SEH1L: variants seen among roughly 807,000 people sequenced by gnomAD.
SEH1L encodes the protein nucleoporin SEH1.
A neutral mutation model predicts 49.5 loss-of-function variants in SEH1L; 18 were observed. That is an observed-to-expected ratio of 0.36 (90% confidence interval 0.25 to 0.54). SEH1L has a LOEUF of 0.54. Among genes scored for constraint, SEH1L ranks in the 20% least tolerant of loss-of-function variants. The probability of loss-of-function intolerance (pLI) is 0.87; values close to 1 mark genes in which losing one functional copy is unlikely to be tolerated. For missense variants in SEH1L, 404 were observed against 528.8 expected (o/e 0.76, Z 2.31); for synonymous variants, 169 against 178.1 (o/e 0.95, Z 0.41).
In SEH1L at chr18:12,982,620, A is replaced by G; in HGVS notation, c.864A>G (p.Ile288Met). The G allele has an allele frequency of 6.2e-7, 1 of 1,613,944 alleles. No individual in the cohort carries two copies. The highest frequency in any genetic ancestry group is 8.5e-7 in the Non-Finnish European group (1 of 1,179,866). ...NSQVWRVSWN[I>M]TGTVLASSGD... ...AGGTCTGGCGAGTGAGTTGGAATAT[A>G]ACAGGAACGGTGCTAGCATCTTCAG... The change falls in exon 7 of 9, where the codon ATA (isoleucine) becomes ATG (methionine). Residue 288 changes from isoleucine to methionine, a missense_variant. Coordinates refer to ENST00000399892, the MANE Select transcript of SEH1L (RefSeq NM_001013437.2).
intron 3 of SEH1L, among the ~76,000 whole-genome samples, chr18:12,959,501 C>T (rs1348673923): frequency 6.6e-6 from 1 of 152,150 alleles, no homozygotes; most frequent in African/African-American, 2.4e-5. Context: ...ATTCTAAATC[C>T]AAAAACTTGA....
intron 4 of SEH1L, among the ~76,000 whole-genome samples, chr18:12,969,793 G>A (rs1332504740): frequency 1.3e-5 from 2 of 151,994 alleles, no homozygotes; most frequent in Non-Finnish European, 2.9e-5. Flanking sequence ...TCAGGAGACT[G>A]AGACAGGAGA....
intron 1 of SEH1L, 186 bp downstream of exon 1, chr18:12,948,418 C>G (rs979325869): frequency 2.1e-6 from 1 of 474,508 alleles, no homozygotes; most frequent in South Asian, 3.0e-5. Context: ...ACGGCGGCCT[C>G]GCGGGCCGCC....
rs923611167 is a variant in SEH1L, at chr18:12,948,250, G to A, written c.111+18G>A. The A allele has an allele frequency of 3.1e-6, 5 of 1,593,202 alleles. No individual in the cohort carries two copies. In the Admixed American group the frequency reaches 8.4e-5, roughly 27 times the overall value. On this transcript the variant is annotated intron_variant, in intron 1 of 8. Transcript: ENST00000399892. ...GCGTTAAGGTGCGCGCGGCGCTTGC[G>A]GGCGGGGCCGACCCCGGAAGGAAGG...
intron 6 of SEH1L, among the ~76,000 whole-genome samples, chr18:12,981,299 G>T (rs894120533): frequency 6.6e-6 from 1 of 152,106 alleles, no homozygotes; most frequent in African/African-American, 2.4e-5. Flanking sequence ...TCCCAGACGG[G>T]GTGGCGGCCG....
chr18:12,961,278 A>G (rs2031163676), intron 3 of SEH1L, among the ~76,000 whole-genome samples: 1 of 152,196 alleles, frequency 6.6e-6, no homozygotes. Context: ...CCAGTCATCC[A>G]ACTCCTCAGA....
chr18:12,981,309 G>A (rs1299815016), intron 6 of SEH1L, among the ~76,000 whole-genome samples: 2 of 152,154 alleles, frequency 1.3e-5, no homozygotes, highest in Non-Finnish European at 2.9e-5. Context: ...GGTGGCGGCC[G>A]GGCAGAGGCT....
intron 5 of SEH1L, among the ~76,000 whole-genome samples, chr18:12,974,998 A>T (rs201532642): frequency 2.0e-5 from 3 of 147,040 alleles, no homozygotes; most frequent in Admixed American, 6.8e-5. Context: ...TTTTTATTTT[A>T]TTTTTTTTTT....
At chr18:12,949,599 C>G (rs1197824450) in intron 1 of SEH1L, among the ~76,000 whole-genome samples, 1 of 151,102 alleles carries the variant, frequency 6.6e-6, no homozygotes, top group Non-Finnish European at 1.5e-5. Context: ...ACTACAGGCG[C>G]CCGCCACCAC....
At chr18:12,949,679 T>C (rs1450600074) in intron 1 of SEH1L, among the ~76,000 whole-genome samples, 1 of 151,994 alleles carries the variant, frequency 6.6e-6, no homozygotes. Flanking sequence ...GGTCTCTATC[T>C]CCTGACCTCG....
intron 3 of SEH1L, among the ~76,000 whole-genome samples, chr18:12,962,218 A>G (rs1289220192): frequency 7.7e-6 from 1 of 129,594 alleles, no homozygotes; most frequent in Non-Finnish European, 1.6e-5. Flanking sequence ...CAACATAGTG[A>G]GACCCCCCCA....
At chr18:12,954,119 T>G (rs1482406911) in intron 2 of SEH1L, among the ~76,000 whole-genome samples, 1 of 152,350 alleles carries the variant, frequency 6.6e-6, no homozygotes, top group East Asian at 1.9e-4. Flanking sequence ...GTTGGTGACA[T>G]TGTTACCATG....
chr18:12,968,701 G>A (rs2031558157), intron 4 of SEH1L, among the ~76,000 whole-genome samples: 1 of 152,072 alleles, frequency 6.6e-6, no homozygotes, highest in Admixed American at 6.5e-5. Context: ...AGCCCTGTAC[G>A]ATAATATTCT....
At position 12,967,383 on chromosome 18, in the gene SEH1L, A is replaced by C. The variant is rs558637156; in HGVS notation, c.522-3770A>C. 1.8e-4 allele frequency among the ~76,000 whole-genome samples: 27 copies of C among 152,354 alleles called. No homozygotes were observed. The South Asian group carries it at 5.6e-3, about 32-fold the overall frequency. On this transcript the variant is annotated intron_variant, in intron 4 of 8. Transcript: ENST00000399892. ...CTATTTTCTCCATAAGGCACATCCC[A>C]GCCTTCCTATGTTTAGGAACACCAG...
chr18:12,975,735 A>C (rs2031892232), intron 5 of SEH1L: 3 of 986,960 alleles, frequency 3.0e-6, no homozygotes, highest in Non-Finnish European at 3.6e-6. Flanking sequence ...CCTTTTAGGG[A>C]GATGACTTTG....
chr18:12,984,203 ATGGGAAAAC>A lies in SEH1L; in HGVS notation c.1070+17_1070+25del, dbSNP rs2032380959. ...CTTCTGCTGGCAGGTAGGCTGCTTCATGGGAAAACTGGAAATCATCTTTGTTTTAAATCA... is the reference window on the plus strand; with the variant it reads ...CTTCTGCTGGCAGGTAGGCTGCTTCATGGAAATCATCTTTGTTTTAAATCA... On this transcript the variant is annotated intron_variant, in intron 8 of 8. Coordinates refer to ENST00000399892, the MANE Select transcript of SEH1L (RefSeq NM_001013437.2). 1 of 1,611,948 alleles carries A rather than the reference ATGGGAAAAC, an allele frequency of 6.2e-7. No homozygotes were observed. Among genetic ancestry groups the A allele is most frequent in the African/African-American group, 1.3e-5 (1 of 74,816 alleles).
chr18:12,973,454 C>G (rs62095799), intron 5 of SEH1L: 3 of 152,184 alleles, frequency 2.0e-5, no homozygotes, highest in African/African-American at 7.2e-5. Flanking sequence ...TGCGTGCCAC[C>G]ACGCCTGGCT....
At chr18:12,958,768 G>C (rs1175971513) in intron 3 of SEH1L, among the ~76,000 whole-genome samples, 1 of 152,194 alleles carries the variant, frequency 6.6e-6, no homozygotes, top group Non-Finnish European at 1.5e-5. Flanking sequence ...CCCTTGGGTT[G>C]TTTCTACTTC....
At chr18:12,984,343 G>A in intron 8 of SEH1L, 153 bp downstream of exon 8, 2 of 805,332 alleles carry the variant, frequency 2.5e-6, no homozygotes, top group South Asian at 1.7e-5. Context: ...TGTTAGCTAT[G>A]TATTTGGCTT....
Sources: allele counts gnomAD v4.1 joint callset (sites outside exome capture counted in the v4.1 genomes callset), GRCh38; gene constraint gnomAD v4.1.1; transcripts MANE v1.5; gene names NCBI Gene and HGNC (gene_info 2026-07-23, HGNC 2026-07-21).